Variants in VEGFC observed in about 807,000 individuals in gnomAD.
The protein encoded by VEGFC is FLT4 ligand DHM.
Under a neutral mutation model 46.1 loss-of-function variants are expected in VEGFC, and 12 were observed. The observed-to-expected ratio is 0.26, with a 90% CI of 0.17 to 0.42. VEGFC has a LOEUF of 0.42. VEGFC is among the 10% of genes least tolerant of loss of function. VEGFC has a pLI of 1.00. For synonymous variants in VEGFC, 232 were observed against 195.5 expected (o/e 1.19, Z -1.56); for missense variants, 488 against 529.4 (o/e 0.92, Z 0.77).
intron 1 of VEGFC, among the ~76,000 whole-genome samples, chr4:176,765,465 C>T (rs551844004): frequency 1.1e-3 from 169 of 151,850 alleles, no homozygotes; most frequent in African/African-American, 3.8e-3. Flanking sequence ...TCAAAAATTG[C>T]TATGATCATC....
Position 176,731,452 on chromosome 4 carries a change from TTTTA to T in VEGFC, c.148-1710_148-1707del, listed in dbSNP as rs1403288611. 7.9e-5 allele frequency among the ~76,000 whole-genome samples: 12 copies of T among 152,066 alleles called. No individual in the cohort carries two copies. The East Asian group carries it at 1.7e-3, about 22-fold the overall frequency. On this transcript the variant is annotated intron_variant, in intron 1 of 6. Transcript: ENST00000618562. Reference sequence around the variant, plus strand: ...ATCACATACCTTAAATATATACCATTTTTATTTGTCAGTCACACCTCAATAATGT... The same window carrying T: ...ATCACATACCTTAAATATATACCATTTTTGTCAGTCACACCTCAATAATGT...
intron 4 of VEGFC, among the ~76,000 whole-genome samples, chr4:176,710,914 G>A (rs1468691737): frequency 2.6e-5 from 4 of 151,962 alleles, no homozygotes; most frequent in Non-Finnish European, 5.9e-5. Flanking sequence ...ACAAATAATG[G>A]TTTGAATGTC....
chr4:176,718,472 C>T (rs533190545), intron 3 of VEGFC, among the ~76,000 whole-genome samples: 38 of 152,116 alleles, frequency 2.5e-4, no homozygotes, highest in African/African-American at 8.9e-4. Flanking sequence ...TAAATATAAT[C>T]GAGCATGTCT....
At position 176,742,866 on chromosome 4, in the gene VEGFC, A is replaced by G. The variant is rs185284035; in HGVS notation, c.148-13120T>C. ...AAGCCAAACATTGAATTTATTCAAC[A>G]AAAATTTATATGGCAAGAACTCAGT... On this transcript the variant is annotated intron_variant, in intron 1 of 6. Coordinates refer to ENST00000618562, the MANE Select transcript of VEGFC (RefSeq NM_005429.5). Among the ~76,000 whole-genome samples, 5 of 151,958 alleles carry G rather than the reference A, an allele frequency of 3.3e-5. No homozygotes were observed. The East Asian group carries it at 9.7e-4, about 29-fold the overall frequency.
intron 3 of VEGFC, 111 bp from the exon 4 acceptor site, chr4:176,711,761 C>T: frequency 9.5e-7 from 1 of 1,049,864 alleles, no homozygotes. Flanking sequence ...TAAGTAGCTG[C>T]CTAGTGTACG....
At chr4:176,696,903 A>C (rs1282499942) in intron 4 of VEGFC, among the ~76,000 whole-genome samples, 1 of 152,004 alleles carries the variant, frequency 6.6e-6, no homozygotes, top group Non-Finnish European at 1.5e-5. Flanking sequence ...CTATTTAATA[A>C]ATGGTGCTGG....
intron 3 of VEGFC, among the ~76,000 whole-genome samples, chr4:176,714,070 A>G (rs1253175534): frequency 6.6e-6 from 1 of 152,098 alleles, no homozygotes; most frequent in East Asian, 1.9e-4. Context: ...AGCAGAAACA[A>G]TTTTGCTTAC....
chr4:176,702,113 T>A (rs1734444301), intron 4 of VEGFC, among the ~76,000 whole-genome samples: 1 of 152,162 alleles, frequency 6.6e-6, no homozygotes, highest in African/African-American at 2.4e-5. Context: ...AAGTTCCAAA[T>A]CAAATGTTTC....
At chr4:176,784,875 G>A (rs756417890) in intron 1 of VEGFC, among the ~76,000 whole-genome samples, 18 of 151,542 alleles carry the variant, frequency 1.2e-4, no homozygotes, top group Non-Finnish European at 2.4e-4. Flanking sequence ...AAGAAGCAGA[G>A]AGAAACTAAG....
chr4:176,691,739 G>T (rs901592679), intron 4 of VEGFC, among the ~76,000 whole-genome samples: 1 of 152,132 alleles, frequency 6.6e-6, no homozygotes, highest in East Asian at 1.9e-4. Flanking sequence ...TTCCAAATAC[G>T]TTCTGTTACA....
chr4:176,753,653 T>C (rs1735376802), intron 1 of VEGFC, among the ~76,000 whole-genome samples: 1 of 152,110 alleles, frequency 6.6e-6, no homozygotes, highest in African/African-American at 2.4e-5. Context: ...TATTCCTGCA[T>C]ACATGAATTG....
chr4:176,729,535 T>C lies in VEGFC; in HGVS notation c.359A>G (p.Lys120Arg), dbSNP rs765910848. 3.0e-5 allele frequency: 48 copies of C among 1,611,534 alleles called. No individual in the cohort carries two copies. Among genetic ancestry groups the C allele is most frequent in the Non-Finnish European group, 3.6e-5 (42 of 1,179,288 alleles). Residue 120 changes from lysine to arginine, a missense_variant and splice_region_variant, in exon 2 of 7, where the codon AAA becomes AGA. Lys to Arg is a conservative substitution (Grantham distance 26). Transcript: ENST00000618562. ...TACATTTTATTTCCCATACTTACTT[T>C]TCAAGATCTCTGTATTATAATGTGC... ...AAAHYNTEIL[K>R]SIDNEWRKTQ...
intron 1 of VEGFC, among the ~76,000 whole-genome samples, chr4:176,779,816 A>G (rs1275487147): frequency 1.3e-5 from 2 of 152,212 alleles, no homozygotes; most frequent in East Asian, 3.9e-4. Flanking sequence ...AGAAAACCAG[A>G]AACTGTTCTG....
intron 1 of VEGFC, among the ~76,000 whole-genome samples, chr4:176,754,262 C>G (rs756301184): frequency 2.7e-5 from 4 of 150,932 alleles, no homozygotes; most frequent in Non-Finnish European, 5.9e-5. Flanking sequence ...GTGACTTTAC[C>G]TCTGTGTTTA....
chr4:176,767,859 G>A (rs891591609), intron 1 of VEGFC, among the ~76,000 whole-genome samples: 1 of 152,120 alleles, frequency 6.6e-6, no homozygotes, highest in Admixed American at 6.5e-5. Flanking sequence ...CAGTGAGACT[G>A]GTAAACAGAA....
rs1451521215 is a variant in VEGFC, at chr4:176,729,518, AT to A, written c.361+14del. ...ATATATAAGGCTTACTATACATTTT[AT>A]TTCCCATACTTACTTTTCAAGATCT... On this transcript the variant is annotated intron_variant, in intron 2 of 6. Coordinates refer to ENST00000618562, the MANE Select transcript of VEGFC (RefSeq NM_005429.5). 1 of 1,605,568 alleles carries A rather than the reference AT, an allele frequency of 6.2e-7. No homozygotes were observed. The highest frequency in any genetic ancestry group is 2.2e-5 in the East Asian group (1 of 44,560).
chr4:176,755,382 A>G lies in VEGFC; in HGVS notation c.148-25636T>C, dbSNP rs560886025. Among the ~76,000 whole-genome samples, 286 of 152,134 alleles carry G rather than the reference A, an allele frequency of 1.9e-3. 2 individuals are homozygous for G. In the Middle Eastern group the frequency reaches 0.034, roughly 18 times the overall value. On this transcript the variant is annotated intron_variant, in intron 1 of 6. Coordinates refer to ENST00000618562, the MANE Select transcript of VEGFC (RefSeq NM_005429.5). The stretch of plus-strand genomic sequence containing the variant: ...AACAAGACTTTTTGTATAAATACCC[A>G]GCTCCCTTGCATCTTGGTCAGGATA...
At chr4:176,785,355 G>T (rs1735983644) in intron 1 of VEGFC, among the ~76,000 whole-genome samples, 1 of 152,138 alleles carries the variant, frequency 6.6e-6, no homozygotes, top group African/African-American at 2.4e-5. Context: ...CTTTAGAAGT[G>T]AGTCTTTTAA....
chr4:176,715,455 C>G (rs1009940135), intron 3 of VEGFC, among the ~76,000 whole-genome samples: 5 of 152,072 alleles, frequency 3.3e-5, no homozygotes, highest in Non-Finnish European at 5.9e-5. Flanking sequence ...GTAATATCTA[C>G]TGGGAATATG....
Sources: allele counts gnomAD v4.1 joint callset (sites outside exome capture counted in the v4.1 genomes callset), GRCh38; gene constraint gnomAD v4.1.1; transcripts MANE v1.5; gene names NCBI Gene and HGNC (gene_info 2026-07-23, HGNC 2026-07-21).